Variants in CCDC125 observed in about 807,000 individuals in gnomAD.
CCDC125 encodes coiled-coil domain containing 125.
A neutral mutation model predicts 57.4 loss-of-function variants in CCDC125; 43 were observed. The observed-to-expected ratio is 0.75, with a 90% CI of 0.59 to 0.97. The LOEUF (loss-of-function observed/expected upper bound fraction) is 0.97, where lower values mean the gene tolerates loss of function less well. Among genes scored for constraint, CCDC125 ranks in the 50% least tolerant of loss-of-function variants. CCDC125 has a pLI of 0.00. For synonymous variants in CCDC125, 187 were observed against 195.2 expected, an observed-to-expected ratio of 0.96 and a Z score of 0.35; for missense variants, 563 against 595.7, an observed-to-expected ratio of 0.95 and a Z score of 0.57.
downstream of CCDC125, among the ~76,000 whole-genome samples, chr5:69,277,735 A>T (rs922000110): frequency 4.6e-5 from 7 of 151,250 alleles, no homozygotes; most frequent in African/African-American, 1.7e-4. Flanking sequence ...GCGCCACTGT[A>T]CTCCAGCCTG....
intron 7 of CCDC125, among the ~76,000 whole-genome samples, chr5:69,303,295 C>G (rs564911711): frequency 6.6e-6 from 1 of 151,936 alleles, no homozygotes; most frequent in Admixed American, 6.6e-5. Flanking sequence ...AGTGATCCTC[C>G]TGCCTTGGCC....
At chr5:69,278,045 AT>A (rs1048832804), downstream of CCDC125, among the ~76,000 whole-genome samples, 1 of 151,610 alleles carries the variant, frequency 6.6e-6, no homozygotes, top group East Asian at 1.9e-4. Context: ...CACCTGCCTA[AT>A]TTTTTTTATA....
rs1752406122 is a variant in CCDC125 at position 69,280,381 on chromosome 5, T to C, written c.*2348A>G. On this transcript the variant is annotated 3_prime_UTR_variant, in exon 12 of 12. Coordinates refer to ENST00000396496, the MANE Select transcript of CCDC125 (RefSeq NM_176816.5). ...TTTAAGATGCTACTGAGACATGTGG[T>C]GTATGAACAAGCATTAACAGCTACT... The C allele has an allele frequency of 6.6e-6, 1 of 152,188 alleles. No homozygotes were observed. The highest frequency in any genetic ancestry group is 1.5e-5 in the Non-Finnish European group (1 of 68,032). 9.4% of individuals were successfully genotyped at this position (152,188 alleles called of 1,614,324 possible).
At chr5:69,283,580 C>G (rs995492992) in intron 11 of CCDC125, among the ~76,000 whole-genome samples, 1 of 151,078 alleles carries the variant, frequency 6.6e-6, no homozygotes, top group Non-Finnish European at 1.5e-5. Context: ...TGCAGTGATG[C>G]CATCTTGGCT....
rs11749723 is a variant in CCDC125, at chr5:69,314,058, G to A, written c.305-12C>T. The stretch of plus-strand genomic sequence containing the variant: ...TGAATTCGAATCTACTTGGGAGGGA[G>A]GAGAAAAGAATCTATTAGGGGAAAA... On this transcript the variant is annotated splice_polypyrimidine_tract_variant and intron_variant, in intron 2 of 11. Coordinates refer to ENST00000396496, the MANE Select transcript of CCDC125 (RefSeq NM_176816.5). 12 of 1,585,098 alleles carry A rather than the reference G, an allele frequency of 7.6e-6. No homozygotes were observed. The highest frequency in any genetic ancestry group is 1.7e-4 in the Middle Eastern group (1 of 6,030).
At chr5:69,304,998 C>T (rs535448065) in intron 6 of CCDC125, among the ~76,000 whole-genome samples, 2 of 151,144 alleles carry the variant, frequency 1.3e-5, no homozygotes, top group Non-Finnish European at 2.9e-5. Context: ...ATCTCCGTAC[C>T]TTCTGATCAA....
At chr5:69,317,994 T>TC (rs1759393270) in intron 2 of CCDC125, among the ~76,000 whole-genome samples, 2 of 144,932 alleles carry the variant, frequency 1.4e-5, no homozygotes, top group Non-Finnish European at 3.0e-5. Context: ...TTTTTTTTTT[T>TC]TTTTTTGAGA....
intron 8 of CCDC125, among the ~76,000 whole-genome samples, chr5:69,298,101 T>C (rs1162788705): frequency 6.6e-6 from 1 of 151,614 alleles, no homozygotes; most frequent in Non-Finnish European, 1.5e-5. Context: ...CTGCAACCTC[T>C]GCCTCCCGGG....
In CCDC125 at chr5:69,300,068, C is replaced by T. The variant is rs774759799; in HGVS notation, c.760G>A (p.Ala254Thr). Residue 254 changes from alanine to threonine, a missense_variant, in exon 8 of 12, where the codon GCT becomes ACT. Physicochemically the swap from Ala to Thr is moderately conservative, Grantham distance 58 (BLOSUM62 0). Transcript: ENST00000396496. ...AMLDIKQQKMAQENMCCDKSG... is the reference protein window; with the variant it reads ...AMLDIKQQKMTQENMCCDKSG... Reference sequence around the variant, plus strand: ...TTATCACAGCACATGTTTTCCTGAGCCATCTTCTGCTGTTTGATATCAAGC... The same window carrying T: ...TTATCACAGCACATGTTTTCCTGAGTCATCTTCTGCTGTTTGATATCAAGC... The T allele has an allele frequency of 6.2e-6, 10 of 1,614,214 alleles. No individual in the cohort carries two copies. In the East Asian group the frequency reaches 2.2e-4, roughly 36 times the overall value.
Position 69,319,482 on chromosome 5 carries a change from CT to C in CCDC125, c.304+754del, listed in dbSNP as rs1280719685. Among the ~76,000 whole-genome samples the C allele has an allele frequency of 6.8e-3, 933 of 138,024 alleles. 4 individuals are homozygous for C. Among genetic ancestry groups the C allele is most frequent in the African/African-American group, 0.014 (538 of 37,978 alleles). 90.5% of individuals were successfully genotyped at this position (138,024 alleles called of 152,430 possible). A position where few individuals can be genotyped will look rare whatever the true frequency, so the allele number is the denominator to read the frequency against. Reference sequence around the variant, plus strand: ...TATTTAGAAATATAAACATCGACTACTTTTTTTTTTTTTTTTTGAGATGGAG... The same window carrying C: ...TATTTAGAAATATAAACATCGACTACTTTTTTTTTTTTTTTTGAGATGGAG... On this transcript the variant is annotated intron_variant, in intron 2 of 11. Coordinates refer to ENST00000396496, the MANE Select transcript of CCDC125 (RefSeq NM_176816.5).
intron 11 of CCDC125, among the ~76,000 whole-genome samples, chr5:69,284,505 A>T (rs1229826870): frequency 6.6e-6 from 1 of 152,118 alleles, no homozygotes; most frequent in Admixed American, 6.6e-5. Flanking sequence ...GTAGATGGCA[A>T]AGCTGGCTGG....
At chr5:69,296,270 G>C (rs1755304620) in intron 8 of CCDC125, among the ~76,000 whole-genome samples, 1 of 152,052 alleles carries the variant, frequency 6.6e-6, no homozygotes, top group African/African-American at 2.4e-5. Context: ...ACTAGATTCT[G>C]GCCAGGCGCG....
intron 9 of CCDC125, chr5:69,294,007 T>C (rs1754923446): frequency 4.4e-6 from 1 of 226,916 alleles, no homozygotes; most frequent in Non-Finnish European, 7.3e-6. Context: ...GTAGGAAAAC[T>C]AAGACCTACC....
intron 8 of CCDC125, among the ~76,000 whole-genome samples, chr5:69,298,358 T>C (rs1220151296): frequency 6.6e-6 from 1 of 152,158 alleles, no homozygotes; most frequent in Non-Finnish European, 1.5e-5. Flanking sequence ...TAAAATACAA[T>C]CCTTTTTAAG....
At chr5:69,292,544 T>C (rs1580001172) in intron 9 of CCDC125, among the ~76,000 whole-genome samples, 182 bp from the exon 10 acceptor site, 1 of 152,220 alleles carries the variant, frequency 6.6e-6, no homozygotes, top group African/African-American at 2.4e-5. Context: ...CAACTTACTC[T>C]GATCCAGATT....
At chr5:69,273,559 G>A in the CCDC125 span, among the ~76,000 whole-genome samples, 20 of 152,190 alleles carry the variant, frequency 1.3e-4, no homozygotes, top group South Asian at 4.1e-3. Flanking sequence ...ACAAAAGCTT[G>A]AAAAATATTT....
At chr5:69,331,636 G>A (rs138566727) in intron 1 of CCDC125, among the ~76,000 whole-genome samples, 2 of 152,302 alleles carry the variant, frequency 1.3e-5, no homozygotes, top group African/African-American at 2.4e-5. Flanking sequence ...TCATCTGGCA[G>A]TACTCCCTGG....
chr5:69,288,823 G>C (rs1753934983), intron 10 of CCDC125, among the ~76,000 whole-genome samples: 1 of 152,182 alleles, frequency 6.6e-6, no homozygotes. Context: ...GACAGTGTGA[G>C]AATTGAGGGA....
intron 7 of CCDC125, among the ~76,000 whole-genome samples, chr5:69,302,598 A>C (rs551283864): frequency 6.6e-6 from 1 of 151,400 alleles, no homozygotes; most frequent in African/African-American, 2.4e-5. Context: ...GGTGGCATGC[A>C]CCTGTAGTCC....
Sources: gnomAD v4.1 joint callset for allele counts (sites outside exome capture counted in the v4.1 genomes callset) on GRCh38, gnomAD v4.1.1 for gene constraint, MANE v1.5 for transcripts, NCBI Gene and HGNC (gene_info 2026-07-23, HGNC 2026-07-21) for gene names.